The following PRORP variants were observed in gnomAD, a reference collection of about 807,000 sequenced individuals.
PRORP encodes the protein mitochondrial ribonuclease P catalytic subunit.
A neutral mutation model predicts 59.4 loss-of-function variants in PRORP; 51 were observed. The observed-to-expected ratio is 0.86, with a 90% CI of 0.69 to 1.08. The LOEUF (loss-of-function observed/expected upper bound fraction) is 1.08. PRORP is among the 50% of genes least tolerant of loss of function. The probability of loss-of-function intolerance (pLI) is 0.00; values close to 1 mark genes in which losing one functional copy is unlikely to be tolerated. For synonymous variants in PRORP, 231 were observed against 245.6 expected, an observed-to-expected ratio of 0.94 and a Z score of 0.55; for missense variants, 646 against 690.3, an observed-to-expected ratio of 0.94 and a Z score of 0.72.
intron 4 of PRORP, among the ~76,000 whole-genome samples, chr14:35,166,410 AATTGT>A (rs2048185400): frequency 6.6e-6 from 1 of 151,020 alleles, no homozygotes; most frequent in East Asian, 1.9e-4. Flanking sequence ...AGGTCTTCTA[AATTGT>A]ATTTGAGTTT....
chr14:35,208,945 CACTTGAACTTGGGAGGCAGAGGTT>C (rs373492241), intron 5 of PRORP, among the ~76,000 whole-genome samples: 9,281 of 152,198 alleles, frequency 0.061, 367 homozygotes, highest in Middle Eastern at 0.11. Context: ...GGGAGGCAAT[CACTTGAACTTGGGAGGCAGAGGTT>C]GCAGTGAGCC....
At chr14:35,151,088 G>A (rs1274745745) in intron 4 of PRORP, among the ~76,000 whole-genome samples, 3 of 152,112 alleles carry the variant, frequency 2.0e-5, no homozygotes, top group Admixed American at 2.0e-4. Context: ...TGGGAAAAGT[G>A]TTGTGAGTTC....
chr14:35,193,762 A>C (rs1400779870), intron 5 of PRORP, among the ~76,000 whole-genome samples: 1 of 152,126 alleles, frequency 6.6e-6, no homozygotes, highest in Non-Finnish European at 1.5e-5. Context: ...ACAATAGGAA[A>C]TGTTAAATAT....
chr14:35,157,271 A>G (rs1175964816), intron 4 of PRORP, among the ~76,000 whole-genome samples: 2 of 151,940 alleles, frequency 1.3e-5, no homozygotes, highest in Non-Finnish European at 2.9e-5. Flanking sequence ...TTTTTTCAAA[A>G]TATACTTAGG....
At chr14:35,215,759 C>CT (rs1484219343) in intron 5 of PRORP, among the ~76,000 whole-genome samples, 1 of 151,596 alleles carries the variant, frequency 6.6e-6, no homozygotes, top group East Asian at 1.9e-4. Flanking sequence ...GAGTAAGACT[C>CT]TATCTCTCTT....
chr14:35,227,427 GA>G (rs1430242671), intron 5 of PRORP, among the ~76,000 whole-genome samples: 4 of 151,690 alleles, frequency 2.6e-5, no homozygotes, highest in Non-Finnish European at 5.9e-5. Flanking sequence ...CTGGGTGACA[GA>G]GCGAGACTCT....
intron 5 of PRORP, chr14:35,262,559 T>C (rs892339118): frequency 3.1e-5 from 21 of 687,728 alleles, no homozygotes; most frequent in Non-Finnish European, 5.4e-5. Context: ...AGAGGAACCC[T>C]GCAGAGGGAT....
intron 5 of PRORP, among the ~76,000 whole-genome samples, chr14:35,252,454 CAAATT>C (rs2050638524): frequency 6.6e-6 from 1 of 152,100 alleles, no homozygotes; most frequent in Non-Finnish European, 1.5e-5. Context: ...AACAAAAAAA[CAAATT>C]AAAAAGAAGG....
chr14:35,153,360 C>T (rs908331750), intron 4 of PRORP, among the ~76,000 whole-genome samples: 4 of 152,142 alleles, frequency 2.6e-5, no homozygotes, highest in South Asian at 2.1e-4. Flanking sequence ...GCTTCAGCTC[C>T]GCATCAGAGG....
rs1477483793 is a variant in PRORP, at chr14:35,151,951, T to A, written c.1167+24340T>A. ...TAATCCATCTTTTTTTTTTTTTTTT[T>A]ATTGATCATTCTTGGGTGTTTCTCG... is the stretch of plus-strand genomic sequence containing the variant. On this transcript the variant is annotated intron_variant, in intron 4 of 7. Coordinates refer to ENST00000534898, the MANE Select transcript of PRORP (RefSeq NM_014672.4). 2.2e-3 allele frequency among the ~76,000 whole-genome samples: 254 copies of A among 117,462 alleles called. 1 individual carries two copies. Among genetic ancestry groups the A allele is most frequent in the African/African-American group, 7.1e-3 (234 of 33,086 alleles). The allele number at this position is 117,462 out of a possible 152,430, so 77.1% of individuals were successfully genotyped here. A position where few individuals can be genotyped will look rare whatever the true frequency, so the allele number is the denominator to read the frequency against.
At chr14:35,145,731 A>AGG (rs1321203085) in intron 4 of PRORP, among the ~76,000 whole-genome samples, 2 of 112,068 alleles carry the variant, frequency 1.8e-5, no homozygotes, top group African/African-American at 2.7e-5. Context: ...AAAAGAAAGA[A>AGG]AGAAGGAAGG....
chr14:35,259,528 CCCTT>C (rs2050844992), intron 5 of PRORP, among the ~76,000 whole-genome samples: 1 of 152,124 alleles, frequency 6.6e-6, no homozygotes, highest in Non-Finnish European at 1.5e-5. Context: ...TACTTTTCCT[CCCTT>C]CCTATGGACT....
At chr14:35,245,414 G>A (rs938894078) in intron 5 of PRORP, among the ~76,000 whole-genome samples, 2 of 152,064 alleles carry the variant, frequency 1.3e-5, no homozygotes, top group Non-Finnish European at 2.9e-5. Flanking sequence ...AGGCCGAGGC[G>A]GGCAGATTGC....
At chr14:35,219,012 A>G (rs1234424923) in intron 5 of PRORP, 1 of 152,194 alleles carries the variant, frequency 6.6e-6, no homozygotes, top group Non-Finnish European at 1.5e-5. Context: ...TTGAAAGTCG[A>G]TGGCTCAGGG....
At chr14:35,132,765 C>T (rs369695612) in intron 4 of PRORP, among the ~76,000 whole-genome samples, 8 of 127,900 alleles carry the variant, frequency 6.3e-5, no homozygotes, top group Non-Finnish European at 1.1e-4. Flanking sequence ...CCAGCCTGGG[C>T]GACAGAGTGA....
intron 4 of PRORP, among the ~76,000 whole-genome samples, chr14:35,157,515 C>T (rs1246320648): frequency 6.6e-6 from 1 of 152,100 alleles, no homozygotes; most frequent in Admixed American, 6.5e-5. Flanking sequence ...TGAAGCTAAA[C>T]TTGTGTTTAA....
At chr14:35,124,722 C>T (rs2138766735) in intron 2 of PRORP, among the ~76,000 whole-genome samples, 2 of 147,128 alleles carry the variant, frequency 1.4e-5, no homozygotes, top group East Asian at 2.0e-4. Context: ...GATGTGAGTA[C>T]TTAATACTAC....
At chr14:35,207,485 G>T (rs2049323765) in intron 5 of PRORP, among the ~76,000 whole-genome samples, 1 of 152,108 alleles carries the variant, frequency 6.6e-6, no homozygotes, top group Non-Finnish European at 1.5e-5. Flanking sequence ...TCTGTAACAG[G>T]TCTTCTAACC....
intron 7 of PRORP, among the ~76,000 whole-genome samples, chr14:35,272,020 C>T (rs886493735): frequency 2.0e-5 from 3 of 147,404 alleles, no homozygotes; most frequent in Middle Eastern, 3.5e-3. Context: ...AGCGAGACTC[C>T]GTCTCAAAAA....
Sources: gnomAD v4.1 joint callset for allele counts (sites outside exome capture counted in the v4.1 genomes callset) on GRCh38, gnomAD v4.1.1 for gene constraint, MANE v1.5 for transcripts, NCBI Gene and HGNC (gene_info 2026-07-23, HGNC 2026-07-21) for gene names.